The following KIF26B variants were observed in gnomAD, a reference collection of about 807,000 sequenced individuals.
The protein encoded by KIF26B is kinesin-like protein KIF26B.
A neutral mutation model predicts 151.2 loss-of-function variants in KIF26B; 63 were observed. The ratio of observed to expected loss-of-function variants is 0.42; its 90% CI spans 0.34 to 0.51. The LOEUF (loss-of-function observed/expected upper bound fraction) is 0.51. Ranked by LOEUF, KIF26B falls within the 20% of genes least tolerant of loss-of-function variation. KIF26B has a pLI of 0.07. For missense variants in KIF26B, 2,813 were observed against 2,913.6 expected (o/e 0.97, Z 0.79); for synonymous variants, 1,357 against 1,262.1 (o/e 1.08, Z -1.59).
rs80265759 is a variant in KIF26B at position 245,237,246 on chromosome 1, C to T, written c.465+80563C>T. Among the ~76,000 whole-genome samples, 594 of 152,314 alleles carry T rather than the reference C, an allele frequency of 3.9e-3. 2 individuals carry two copies. Among genetic ancestry groups the T allele is most frequent in the Non-Finnish European group, 6.6e-3 (448 of 68,040 alleles). On this transcript the variant is annotated intron_variant, in intron 2 of 14. Transcript: ENST00000407071. ...TAACTTACAGCTCTGTCTCATACCA[C>T]GCAACTCTAAAGTCCATCCTTAGAC... is the stretch of plus-strand genomic sequence containing the variant.
chr1:245,507,380 C>G (rs773755882), intron 4 of KIF26B, among the ~76,000 whole-genome samples: 39 of 152,228 alleles, frequency 2.6e-4, no homozygotes, highest in Non-Finnish European at 5.0e-4. Flanking sequence ...CACAGGCCAA[C>G]AAAGCCTTGG....
At chr1:245,361,642 C>A (rs1040213093) in intron 2 of KIF26B, among the ~76,000 whole-genome samples, 4 of 152,086 alleles carry the variant, frequency 2.6e-5, no homozygotes, top group African/African-American at 9.7e-5. Flanking sequence ...GGGGTGCAGG[C>A]GATCAAGCAG....
chr1:245,496,924 T>C (rs1372864603), intron 4 of KIF26B, among the ~76,000 whole-genome samples: 2 of 152,030 alleles, frequency 1.3e-5, no homozygotes, highest in African/African-American at 4.8e-5. Flanking sequence ...AATAGACTTT[T>C]CAAGAATCAT....
intron 4 of KIF26B, among the ~76,000 whole-genome samples, chr1:245,471,990 C>A (rs1407771763): frequency 2.0e-5 from 3 of 151,960 alleles, no homozygotes; most frequent in Non-Finnish European, 4.4e-5. Context: ...TGGGGTTTCA[C>A]CATGTTGGCC....
At chr1:245,639,612 C>T (rs1013835113) in intron 9 of KIF26B, among the ~76,000 whole-genome samples, 3 of 151,716 alleles carry the variant, frequency 2.0e-5, no homozygotes, top group African/African-American at 4.8e-5. Context: ...TGCTATAGAA[C>T]TTTCCATTAG....
Position 245,702,938 on chromosome 1 carries a change from G to A in KIF26B, c.*332G>A, listed in dbSNP as rs1467826059. The A allele has an allele frequency of 2.3e-5, 6 of 257,740 alleles. No homozygotes were observed. Among genetic ancestry groups the A allele is most frequent in the East Asian group, 2.2e-4 (3 of 13,670 alleles). The allele number at this position is 257,740 out of a possible 1,614,324, so 16.0% of individuals were successfully genotyped here. A position where few individuals can be genotyped will look rare whatever the true frequency, so the allele number is the denominator to read the frequency against. ...GAGACCTCACTCTTCTCTTGCTTTCGTGAGAAAGGAGGGGCGTGGATGTAG... is the reference window on the plus strand; with the variant it reads ...GAGACCTCACTCTTCTCTTGCTTTCATGAGAAAGGAGGGGCGTGGATGTAG... On this transcript the variant is annotated 3_prime_UTR_variant, in exon 15 of 15. Coordinates refer to ENST00000407071, the MANE Select transcript of KIF26B (RefSeq NM_018012.4). The surrounding 1 kb of genome is among the most constrained non-coding windows in gnomAD (Gnocchi z 4.1).
chr1:245,656,347 T>G (rs1468858917), intron 10 of KIF26B, among the ~76,000 whole-genome samples: 2 of 152,216 alleles, frequency 1.3e-5, no homozygotes, highest in Non-Finnish European at 2.9e-5. Flanking sequence ...TTTGCCACAG[T>G]CCGTCCTCTA....
intron 2 of KIF26B, among the ~76,000 whole-genome samples, chr1:245,164,124 T>C (rs1668576013): frequency 6.6e-6 from 1 of 152,202 alleles, no homozygotes. Context: ...TAAGTAAATA[T>C]CCATCAATTC....
chr1:245,450,246 C>A (rs984225858), intron 4 of KIF26B, among the ~76,000 whole-genome samples: 1 of 152,136 alleles, frequency 6.6e-6, no homozygotes, highest in Non-Finnish European at 1.5e-5. Context: ...TTGCTCTCTC[C>A]GTCTAGCTTG....
Position 245,267,649 on chromosome 1 carries a change from C to G in KIF26B, c.466-99185C>G, listed in dbSNP as rs916190153. Among the ~76,000 whole-genome samples, 46 of 104,604 alleles carry G rather than the reference C, an allele frequency of 4.4e-4. 1 individual carries two copies. The highest frequency in any genetic ancestry group is 1.7e-3 in the African/African-American group (46 of 26,838). The allele number at this position is 104,604 out of a possible 152,430, so 68.6% of individuals were successfully genotyped here. A position where few individuals can be genotyped will look rare whatever the true frequency, so the allele number is the denominator to read the frequency against. On this transcript the variant is annotated intron_variant, in intron 2 of 14. Transcript: ENST00000407071. The stretch of plus-strand genomic sequence containing the variant: ...GCTAAGTAATGCACACACACACACA[C>G]ACACACACACACACACACACACACA...
At chr1:245,245,406 T>C (rs544566214) in intron 2 of KIF26B, among the ~76,000 whole-genome samples, 6 of 152,296 alleles carry the variant, frequency 3.9e-5, no homozygotes, top group African/African-American at 1.4e-4. Context: ...TGGTCAGATT[T>C]CAGTTTCCTG....
At chr1:245,639,281 C>T (rs2103179150) in intron 9 of KIF26B, among the ~76,000 whole-genome samples, 1 of 151,938 alleles carries the variant, frequency 6.6e-6, no homozygotes, top group South Asian at 2.1e-4. Context: ...ATAATGGTCG[C>T]TAATGATCCT....
At chr1:245,650,923 A>C (rs970024436) in intron 10 of KIF26B, among the ~76,000 whole-genome samples, 11 of 152,156 alleles carry the variant, frequency 7.2e-5, no homozygotes, top group Admixed American at 7.2e-4. Flanking sequence ...GGTTTGGTCT[A>C]TGGTTCAGAC....
At chr1:245,521,929 GT>G (rs1661123287) in intron 4 of KIF26B, among the ~76,000 whole-genome samples, 1 of 151,398 alleles carries the variant, frequency 6.6e-6, no homozygotes, top group Non-Finnish European at 1.5e-5. Context: ...GAGTGCAGTG[GT>G]GCGATCTCGG....
chr1:245,264,897 AAAAC>A (rs1670713705), intron 2 of KIF26B, among the ~76,000 whole-genome samples: 1 of 149,736 alleles, frequency 6.7e-6, no homozygotes, highest in Non-Finnish European at 1.5e-5. Context: ...CGTCTCAAAA[AAAAC>A]AAAAAAAAAG....
At chr1:245,508,160 C>T (rs1375051117) in intron 4 of KIF26B, among the ~76,000 whole-genome samples, 2 of 152,204 alleles carry the variant, frequency 1.3e-5, no homozygotes, top group Admixed American at 1.3e-4. Context: ...CTGGTGTTTC[C>T]CCAAGGATGT....
intron 5 of KIF26B, among the ~76,000 whole-genome samples, chr1:245,585,707 T>A (rs2043217677): frequency 6.6e-6 from 1 of 152,238 alleles, no homozygotes; most frequent in Non-Finnish European, 1.5e-5. Context: ...TTTCCATGAA[T>A]TCAAATACAT....
chr1:245,480,355 A>G (rs1455727053), intron 4 of KIF26B, among the ~76,000 whole-genome samples: 1 of 151,596 alleles, frequency 6.6e-6, no homozygotes, highest in African/African-American at 2.4e-5. Context: ...CTGTTGGCAT[A>G]ACATGTGGAA....
intron 2 of KIF26B, among the ~76,000 whole-genome samples, chr1:245,306,707 G>A (rs932154655): frequency 7.2e-5 from 11 of 151,876 alleles, no homozygotes; most frequent in African/African-American, 2.2e-4. Flanking sequence ...GCCATAATTC[G>A]TCAAACTGGA....
Sources: gnomAD v4.1 joint callset for allele counts (sites outside exome capture counted in the v4.1 genomes callset) on GRCh38, gnomAD v4.1.1 for gene constraint, Gnocchi (gnomAD v3.1) non-coding constraint, MANE v1.5 for transcripts, NCBI Gene and HGNC (gene_info 2026-07-23, HGNC 2026-07-21) for gene names.